The following MRPS9 variants were observed in gnomAD, a reference collection of about 807,000 sequenced individuals.
MRPS9 encodes small ribosomal subunit protein uS9m.
A neutral mutation model predicts 59.9 loss-of-function variants in MRPS9; 45 were observed. The ratio of observed to expected loss-of-function variants is 0.75; its 90% CI spans 0.59 to 0.96. The LOEUF (loss-of-function observed/expected upper bound fraction) is 0.96. Among genes scored for constraint, MRPS9 ranks in the 40% least tolerant of loss-of-function variants. The probability of loss-of-function intolerance (pLI) is 0.00; values close to 1 mark genes in which losing one functional copy is unlikely to be tolerated. For missense variants in MRPS9, 473 were observed against 481.1 expected, an observed-to-expected ratio of 0.98 and a Z score of 0.16; for synonymous variants, 171 against 166.8, an observed-to-expected ratio of 1.03 and a Z score of -0.19.
At chr2:105,077,267 A>C (rs1326242894) in intron 4 of MRPS9, among the ~76,000 whole-genome samples, 3 of 151,890 alleles carry the variant, frequency 2.0e-5, no homozygotes, top group Non-Finnish European at 4.4e-5. Flanking sequence ...GAAGAAGAAA[A>C]GAAATAACAT....
intron 4 of MRPS9, among the ~76,000 whole-genome samples, chr2:105,075,098 A>G (rs1187737394): frequency 6.6e-6 from 1 of 152,206 alleles, no homozygotes; most frequent in African/African-American, 2.4e-5. Context: ...CATAAGGAGC[A>G]TGCAACCTAG....
chr2:105,062,347 T>A (rs1679922408), intron 2 of MRPS9, among the ~76,000 whole-genome samples: 2 of 152,194 alleles, frequency 1.3e-5, no homozygotes, highest in South Asian at 4.1e-4. Flanking sequence ...TGTTAAGAGA[T>A]GTCAGGAAAC....
chr2:105,083,063 T>G (rs1406683978), intron 5 of MRPS9, among the ~76,000 whole-genome samples: 1 of 152,206 alleles, frequency 6.6e-6, no homozygotes, highest in East Asian at 1.9e-4. Flanking sequence ...AATGGATGGC[T>G]TCTCATTTCC....
At chr2:105,091,466 G>A (rs1344597387) in intron 7 of MRPS9, 2 of 446,514 alleles carry the variant, frequency 4.5e-6, no homozygotes, top group East Asian at 1.4e-4. Context: ...CTAGAAGAGT[G>A]CCTTCTCTTT....
At chr2:105,056,604 A>C (rs1382047963) in intron 2 of MRPS9, among the ~76,000 whole-genome samples, 1 of 152,190 alleles carries the variant, frequency 6.6e-6, no homozygotes, top group African/African-American at 2.4e-5. Flanking sequence ...TGCCCCTCCT[A>C]GTAAGTAAAA....
At chr2:105,063,195 A>G (rs555890134) in intron 2 of MRPS9, among the ~76,000 whole-genome samples, 18 of 152,364 alleles carry the variant, frequency 1.2e-4, no homozygotes, top group African/African-American at 1.4e-4. Context: ...TCTTGAGCCC[A>G]GGAGTCAAGG....
At chr2:105,066,803 G>T (rs1431643588) in intron 2 of MRPS9, among the ~76,000 whole-genome samples, 1 of 152,108 alleles carries the variant, frequency 6.6e-6, no homozygotes, top group Non-Finnish European at 1.5e-5. Flanking sequence ...TGAGAACGAG[G>T]CCTGAGGTCT....
chr2:105,092,541 G>T lies in MRPS9; in HGVS notation c.792G>T (p.Glu264Asp). ...TGATTGAACCTGTACAGTATGATGAGCAAGGAATGGCCTTTAGCAAAAGTG... is the reference window on the plus strand; with the variant it reads ...TGATTGAACCTGTACAGTATGATGATCAAGGAATGGCCTTTAGCAAAAGTG... The part of the protein sequence containing the change: ...KQLIEPVQYD[E>D]QGMAFSKSEG... Residue 264 changes from glutamate to aspartate, a missense_variant, in exon 8 of 11, where the codon GAG becomes GAT. By Grantham distance (45) the Glu-to-Asp change is conservative. Coordinates refer to ENST00000258455, the MANE Select transcript of MRPS9 (RefSeq NM_182640.3). 1 of 1,600,320 alleles carries T rather than the reference G, an allele frequency of 6.2e-7. No homozygotes were observed. Among genetic ancestry groups the T allele is most frequent in the Non-Finnish European group, 8.5e-7 (1 of 1,174,372 alleles).
chr2:105,042,455 A>G (rs927952584), intron 1 of MRPS9, among the ~76,000 whole-genome samples: 2 of 152,260 alleles, frequency 1.3e-5, no homozygotes, highest in Non-Finnish European at 2.9e-5. Context: ...AGCAGGTGGC[A>G]GATTCACTGG....
intron 1 of MRPS9, among the ~76,000 whole-genome samples, chr2:105,043,190 T>C (rs1679531051): frequency 6.6e-6 from 1 of 152,228 alleles, no homozygotes; most frequent in South Asian, 2.1e-4. Flanking sequence ...TTTATTTTAA[T>C]TGGGAGTTAA....
chr2:105,065,298 G>T (rs1679979641), intron 2 of MRPS9, among the ~76,000 whole-genome samples: 1 of 152,180 alleles, frequency 6.6e-6, no homozygotes, highest in Non-Finnish European at 1.5e-5. Context: ...GTGGACAAAG[G>T]AGAGTACATT....
chr2:105,090,162 A>G (rs1021249890), intron 7 of MRPS9, among the ~76,000 whole-genome samples, 167 bp downstream of exon 7: 1 of 152,166 alleles, frequency 6.6e-6, no homozygotes, highest in African/African-American at 2.4e-5. Context: ...AACAAAACAC[A>G]TTCATCATTG....
chr2:105,050,139 C>CCTTTCT (rs1679683261), intron 2 of MRPS9, among the ~76,000 whole-genome samples: 2 of 143,896 alleles, frequency 1.4e-5, no homozygotes, highest in Non-Finnish European at 1.6e-5. Context: ...TTTTTCTTTT[C>CCTTTCT]TTTTCTTTTC....
chr2:105,038,324 C>A (rs958423426), intron 1 of MRPS9, 97 bp downstream of exon 1: 3 of 1,484,002 alleles, frequency 2.0e-6, no homozygotes, highest in Admixed American at 4.1e-5. Context: ...TGCCTTCAGG[C>A]AGGGACTCTA....
At chr2:105,071,290 C>G in intron 2 of MRPS9, 23 bp from the exon 3 acceptor site, 1 of 1,603,130 alleles carries the variant, frequency 6.2e-7, no homozygotes, top group Non-Finnish European at 8.5e-7. Flanking sequence ...CAGTTGTTAA[C>G]TAACCTTTGT....
intron 2 of MRPS9, among the ~76,000 whole-genome samples, chr2:105,055,771 A>G (rs1679781495): frequency 6.6e-6 from 1 of 152,210 alleles, no homozygotes; most frequent in South Asian, 2.1e-4. Context: ...TAAGTGGCTC[A>G]GCAGTATATA....
intron 9 of MRPS9, 161 bp from the exon 10 acceptor site, chr2:105,096,994 A>G (rs1370752529): frequency 3.2e-6 from 2 of 620,998 alleles, no homozygotes; most frequent in Non-Finnish European, 4.7e-6. Flanking sequence ...CAGAAATGTT[A>G]GTGTTTCTAT....
intron 2 of MRPS9, among the ~76,000 whole-genome samples, chr2:105,068,261 ATTAC>A (rs1286938670): frequency 6.6e-6 from 1 of 152,198 alleles, no homozygotes; most frequent in Non-Finnish European, 1.5e-5. Flanking sequence ...AATAGTTTAT[ATTAC>A]TTAACATTAT....
rs147695327 is a variant in MRPS9, at chr2:105,065,609, A to G, written c.316-5704A>G. Among the ~76,000 whole-genome samples the G allele has an allele frequency of 1.9e-3, 284 of 152,292 alleles. 2 individuals are homozygous for G. In the East Asian group the frequency reaches 0.026, roughly 14 times the overall value. On this transcript the variant is annotated intron_variant, in intron 2 of 10. Coordinates refer to ENST00000258455, the MANE Select transcript of MRPS9 (RefSeq NM_182640.3). ...TTTGAAAAGTCTTCTTATGGTTATA[A>G]TAAGACACAGTGAGGATTATGTTAT...
Sources: allele counts gnomAD v4.1 joint callset (sites outside exome capture counted in the v4.1 genomes callset), GRCh38; gene constraint gnomAD v4.1.1; transcripts MANE v1.5; gene names NCBI Gene and HGNC (gene_info 2026-07-23, HGNC 2026-07-21).